Variants in FAM13C observed in about 807,000 individuals in gnomAD.
FAM13C encodes family with sequence similarity 13 member C, also known as protein FAM13C.
Under a neutral mutation model 73.2 loss-of-function variants are expected in FAM13C, and 37 were observed. The observed-to-expected ratio is 0.51, with a 90% CI of 0.39 to 0.67. FAM13C has a LOEUF of 0.67. FAM13C is among the 30% of genes least tolerant of loss of function. The probability of loss-of-function intolerance (pLI) is 0.00; values close to 1 mark genes in which losing one functional copy is unlikely to be tolerated. For synonymous variants in FAM13C, 246 were observed against 260.9 expected, an observed-to-expected ratio of 0.94 and a Z score of 0.55; for missense variants, 589 against 715.6, an observed-to-expected ratio of 0.82 and a Z score of 2.02.
At chr10:59,343,330 A>G (rs1213612580) in intron 3 of FAM13C, among the ~76,000 whole-genome samples, 1 of 152,218 alleles carries the variant, frequency 6.6e-6, no homozygotes, top group Non-Finnish European at 1.5e-5. Flanking sequence ...TACTTAATTA[A>G]CCTAATTAAT....
intron 4 of FAM13C, among the ~76,000 whole-genome samples, chr10:59,305,629 T>A (rs1318437091): frequency 9.3e-6 from 1 of 107,228 alleles, no homozygotes; most frequent in Non-Finnish European, 2.3e-5. Flanking sequence ...AAGAATACAA[T>A]TTTTTTTTTA....
At chr10:59,317,905 C>A (rs1212591124) in intron 4 of FAM13C, among the ~76,000 whole-genome samples, 1 of 151,928 alleles carries the variant, frequency 6.6e-6, no homozygotes, top group African/African-American at 2.4e-5. Context: ...TTCCCCCACC[C>A]CACAACAGTC....
At chr10:59,265,538 G>A (rs187874115) in intron 8 of FAM13C, among the ~76,000 whole-genome samples, 5 of 152,042 alleles carry the variant, frequency 3.3e-5, no homozygotes, top group East Asian at 1.9e-4. Context: ...TCTCCACTCC[G>A]ATCTGAGAAC....
intron 1 of FAM13C, among the ~76,000 whole-genome samples, chr10:59,360,172 A>G (rs895224427): frequency 2.6e-5 from 4 of 152,218 alleles, no homozygotes; most frequent in African/African-American, 9.7e-5. Flanking sequence ...AACCATAACC[A>G]TAACAGGTTA....
intron 5 of FAM13C, among the ~76,000 whole-genome samples, chr10:59,294,732 G>A (rs1037174568): frequency 6.6e-6 from 1 of 152,186 alleles, no homozygotes; most frequent in Admixed American, 6.5e-5. Flanking sequence ...TGTTGGCTAC[G>A]GGATGTCCTC....
intron 6 of FAM13C, among the ~76,000 whole-genome samples, chr10:59,280,329 C>T (rs1331258095): frequency 6.6e-6 from 1 of 152,152 alleles, no homozygotes; most frequent in Admixed American, 6.5e-5. Context: ...CCTAAGGGCC[C>T]TCTATTCCTC....
At chr10:59,275,509 G>A (rs1338037049) in intron 6 of FAM13C, among the ~76,000 whole-genome samples, 1 of 152,112 alleles carries the variant, frequency 6.6e-6, no homozygotes, top group East Asian at 1.9e-4. Flanking sequence ...CCCAAAGAAA[G>A]GTATTTTTAA....
At position 59,264,180 on chromosome 10, in the gene FAM13C, G is replaced by GA. The variant is rs753235458; in HGVS notation, c.943-15dup. Reference sequence around the variant, plus strand: ...ACCATGTGAAGGCTACCAAGGGAAGGAAAAAATGGGGGTGGAAGGGAGGGA... The same window carrying GA: ...ACCATGTGAAGGCTACCAAGGGAAGGAAAAAAATGGGGGTGGAAGGGAGGGA... On this transcript the variant is annotated splice_polypyrimidine_tract_variant and intron_variant, in intron 8 of 13. Coordinates refer to ENST00000618804, the MANE Select transcript of FAM13C (RefSeq NM_198215.4). The GA allele has an allele frequency of 1.6e-6, 2 of 1,284,676 alleles. No individual in the cohort carries two copies. The highest frequency in any genetic ancestry group is 2.2e-6 in the Non-Finnish European group (2 of 928,610). 79.6% of individuals were successfully genotyped at this position (1,284,676 alleles called of 1,614,324 possible).
rs1239802548 is a variant in FAM13C, at chr10:59,247,362, A to C, written c.*252T>G. 1.3e-5 allele frequency: 6 copies of C among 458,164 alleles called. No individual in the cohort carries two copies. Among genetic ancestry groups the C allele is most frequent in the African/African-American group, 1.0e-4 (5 of 48,870 alleles). The allele number at this position is 458,164 out of a possible 1,614,324, so 28.4% of individuals were successfully genotyped here. A position where few individuals can be genotyped will look rare whatever the true frequency, so the allele number is the denominator to read the frequency against. ...ATTTTTAAAAATACTTGTATTGACTATGAGTTTTCTGCTTGGCATGGAGGA... is the reference window on the plus strand; with the variant it reads ...ATTTTTAAAAATACTTGTATTGACTCTGAGTTTTCTGCTTGGCATGGAGGA... On this transcript the variant is annotated 3_prime_UTR_variant, in exon 14 of 14. Coordinates refer to ENST00000618804, the MANE Select transcript of FAM13C (RefSeq NM_198215.4).
At chr10:59,256,823 T>C (rs898455338) in intron 10 of FAM13C, among the ~76,000 whole-genome samples, 3 of 152,218 alleles carry the variant, frequency 2.0e-5, no homozygotes, top group African/African-American at 7.2e-5. Context: ...TACATTAGAC[T>C]TTCCTGTTAT....
chr10:59,289,372 C>G (rs1377250568), intron 5 of FAM13C, among the ~76,000 whole-genome samples: 1 of 152,176 alleles, frequency 6.6e-6, no homozygotes, highest in Non-Finnish European at 1.5e-5. Flanking sequence ...ACATGTCCTT[C>G]CAGTGGATGG....
rs3078249 is a variant in FAM13C, at chr10:59,254,576, C to CATTTATTT, written c.1237-141_1237-134dup. 8.5e-4 allele frequency: 188 copies of CATTTATTT among 220,692 alleles called. 2 individuals carry two copies. The highest frequency in any genetic ancestry group is 1.5e-3 in the South Asian group (9 of 5,908). The allele number at this position is 220,692 out of a possible 1,614,324, so 13.7% of individuals were successfully genotyped here. On this transcript the variant is annotated intron_variant, in intron 10 of 13. Coordinates refer to ENST00000618804, the MANE Select transcript of FAM13C (RefSeq NM_198215.4). ...CAGCAGTTATCATGAAAAGGAAAGT[C>CATTTATTT]ATTTATTTATTTATTTATTTATTTA...
intron 8 of FAM13C, among the ~76,000 whole-genome samples, chr10:59,264,669 C>T (rs2133487158): frequency 6.6e-6 from 1 of 152,288 alleles, no homozygotes; most frequent in Non-Finnish European, 1.5e-5. Context: ...TAGCTCTTAT[C>T]AGTTATATCC....
In FAM13C at chr10:59,314,592, GT is replaced by G. The variant is rs754699692; in HGVS notation, c.443+9395del. ...CAATAGGCTGGGTTTGGCCAAAACT[GT>G]TTTCTTGTGTTGGTGCTAAACTTAA... is the stretch of plus-strand genomic sequence containing the variant. On this transcript the variant is annotated intron_variant, in intron 4 of 13. Transcript: ENST00000618804. Among the ~76,000 whole-genome samples, 9 of 152,282 alleles carry G rather than the reference GT, an allele frequency of 5.9e-5. No homozygotes were observed. In the East Asian group the frequency reaches 1.7e-3, roughly 29 times the overall value.
At chr10:59,343,320 T>A (rs1853765116) in intron 3 of FAM13C, among the ~76,000 whole-genome samples, 1 of 152,248 alleles carries the variant, frequency 6.6e-6, no homozygotes. Flanking sequence ...CCTTTGGTGA[T>A]ACTTAATTAA....
At chr10:59,347,524 T>C (rs1207221089) in intron 3 of FAM13C, among the ~76,000 whole-genome samples, 2 of 152,162 alleles carry the variant, frequency 1.3e-5, no homozygotes, top group Non-Finnish European at 2.9e-5. Context: ...ACCTATTTTT[T>C]TTTTTAATTT....
At chr10:59,251,418 A>T (rs1841360846) in intron 13 of FAM13C, 157 bp downstream of exon 13, 1 of 695,222 alleles carries the variant, frequency 1.4e-6, no homozygotes, top group Non-Finnish European at 2.6e-6. Flanking sequence ...TACTGGCACT[A>T]TTAGAATGTT....
chr10:59,292,248 G>A (rs1197622500), intron 5 of FAM13C, among the ~76,000 whole-genome samples: 2 of 152,232 alleles, frequency 1.3e-5, no homozygotes, highest in Admixed American at 6.5e-5. Context: ...CAGGTCTTAA[G>A]TTGGATAAGC....
chr10:59,311,136 GA>G (rs1271560176), intron 4 of FAM13C, among the ~76,000 whole-genome samples: 1 of 152,160 alleles, frequency 6.6e-6, no homozygotes, highest in Non-Finnish European at 1.5e-5. Flanking sequence ...AGCTGTCCTG[GA>G]AAAGGTACCA....
Sources: gnomAD v4.1 joint callset for allele counts (sites outside exome capture counted in the v4.1 genomes callset) on GRCh38, gnomAD v4.1.1 for gene constraint, MANE v1.5 for transcripts, NCBI Gene and HGNC (gene_info 2026-07-23, HGNC 2026-07-21) for gene names.